Variants in NEMP2 observed in about 807,000 individuals in gnomAD.
NEMP2 encodes UPF0571 transmembrane protein.
Under a neutral mutation model 54.2 loss-of-function variants are expected in NEMP2, and 53 were observed. The observed-to-expected ratio is 0.98, with a 90% CI of 0.78 to 1.23. The LOEUF is 1.23. NEMP2 is among the 50% of genes most tolerant of loss of function. The pLI is 0.00. For missense variants in NEMP2, 455 were observed against 511.3 expected (o/e 0.89, Z 1.06); for synonymous variants, 197 against 190.3 (o/e 1.04, Z -0.29).
chr2:190,493,309 G>A, the NEMP2 span, among the ~76,000 whole-genome samples: 3 of 152,194 alleles, frequency 2.0e-5, no homozygotes, highest in East Asian at 5.8e-4. Flanking sequence ...AATGATAAAA[G>A]GCCTTGCCCA....
the NEMP2 span, among the ~76,000 whole-genome samples, chr2:190,445,343 C>T: frequency 7.7e-3 from 1,175 of 151,918 alleles, 12 homozygotes; most frequent in African/African-American, 0.026. Context: ...CCATTTAACT[C>T]ATCAGAGTAT....
At chr2:190,631,524 A>G in the NEMP2 span, among the ~76,000 whole-genome samples, 1 of 152,242 alleles carries the variant, frequency 6.6e-6, no homozygotes, top group African/African-American at 2.4e-5. Flanking sequence ...AGCATATGTT[A>G]TATTTTAAAG....
intron 1 of NEMP2, chr2:190,534,313 G>C (rs1691276816): frequency 8.4e-7 from 1 of 1,184,410 alleles, no homozygotes; most frequent in African/African-American, 1.6e-5. Flanking sequence ...TGGGCGACTG[G>C]ATCGCGCGGT....
the NEMP2 span, among the ~76,000 whole-genome samples, chr2:190,544,336 A>G: frequency 6.6e-6 from 1 of 152,218 alleles, no homozygotes; most frequent in African/African-American, 2.4e-5. Context: ...TTTCAATAAA[A>G]ATAAATGATA....
the NEMP2 span, among the ~76,000 whole-genome samples, chr2:190,442,344 T>C: frequency 4.6e-5 from 7 of 152,110 alleles, no homozygotes; most frequent in Non-Finnish European, 7.4e-5. Flanking sequence ...GGGAAGCGTG[T>C]TGGAAAAAAC....
chr2:190,560,106 C>T, the NEMP2 span, among the ~76,000 whole-genome samples: 1 of 152,158 alleles, frequency 6.6e-6, no homozygotes, highest in African/African-American at 2.4e-5. The surrounding 1 kb of genome is among the most constrained non-coding windows in gnomAD (Gnocchi z 5.4). Context: ...TGCAGAAGAT[C>T]AGGGCAAAAA....
chr2:190,589,722 A>G, the NEMP2 span, among the ~76,000 whole-genome samples: 35,341 of 152,160 alleles, frequency 0.23, 5,230 homozygotes, highest in Non-Finnish European at 0.33. This position sits in a 1 kb window ranked among gnomAD's most constrained non-coding sequence, Gnocchi z 4.3. Context: ...GCTCCACTCC[A>G]TGGACAGAAC....
At chr2:190,431,024 ACGGGGTCGCGGCCGGG>A in the NEMP2 span, among the ~76,000 whole-genome samples, 1 of 111,788 alleles carries the variant, frequency 8.9e-6, no homozygotes, top group Non-Finnish European at 2.1e-5. This position sits in a 1 kb window ranked among gnomAD's most constrained non-coding sequence, Gnocchi z 4.4. Context: ...CACCTCCCAG[ACGGGGTCGCGGCCGGG>A]CAGAGGCGCT....
At chr2:190,487,761 G>A in the NEMP2 span, among the ~76,000 whole-genome samples, 46 of 152,294 alleles carry the variant, frequency 3.0e-4, no homozygotes, top group South Asian at 9.1e-3. The surrounding 1 kb of genome is among the most constrained non-coding windows in gnomAD (Gnocchi z 5.5). Flanking sequence ...GCAAGGAGGT[G>A]GAGAAATTGG....
the NEMP2 span, among the ~76,000 whole-genome samples, chr2:190,540,736 G>A: frequency 6.6e-6 from 1 of 152,136 alleles, no homozygotes. Context: ...CAAGGTAATG[G>A]TGGCCTCTTA....
At chr2:190,534,041 C>T in intron 1 of NEMP2, 1 of 942,856 alleles carries the variant, frequency 1.1e-6, no homozygotes, top group Non-Finnish European at 1.2e-6. Flanking sequence ...GTTATGTTTA[C>T]TCGCTCAAGG....
chr2:190,448,907 A>G, the NEMP2 span, among the ~76,000 whole-genome samples: 1 of 152,214 alleles, frequency 6.6e-6, no homozygotes, highest in African/African-American at 2.4e-5. Flanking sequence ...CAGTGGATCA[A>G]TATAACCGTC....
chr2:190,483,185 C>A, the NEMP2 span, among the ~76,000 whole-genome samples: 1 of 152,036 alleles, frequency 6.6e-6, no homozygotes, highest in Non-Finnish European at 1.5e-5. Flanking sequence ...AGCCACCGCG[C>A]CCGGCCGACT....
the NEMP2 span, among the ~76,000 whole-genome samples, chr2:190,553,696 A>G: frequency 0.011 from 1,743 of 152,288 alleles, 38 homozygotes; most frequent in African/African-American, 0.038. Flanking sequence ...TTGATTCATG[A>G]TAGGTGTGAG....
chr2:190,618,210 ATTGT>A, the NEMP2 span, among the ~76,000 whole-genome samples: 2 of 152,150 alleles, frequency 1.3e-5, no homozygotes, highest in African/African-American at 4.8e-5. Flanking sequence ...TGTTTGCCTC[ATTGT>A]TTGTTTAGTG....
the NEMP2 span, chr2:190,437,309 C>G: frequency 3.8e-5 from 61 of 1,614,234 alleles, no homozygotes; most frequent in Non-Finnish European, 5.2e-5. The surrounding 1 kb of genome is among the most constrained non-coding windows in gnomAD (Gnocchi z 5.9). Context: ...CCAACCACCA[C>G]AAGCCACTCG....
At chr2:190,511,387 A>G (rs1402679102) in intron 7 of NEMP2, among the ~76,000 whole-genome samples, 2 of 152,290 alleles carry the variant, frequency 1.3e-5, no homozygotes, top group Admixed American at 1.3e-4. Context: ...CCTGTATTAC[A>G]TGACGAGTGG....
the NEMP2 span, among the ~76,000 whole-genome samples, chr2:190,481,830 A>ATGCTGC: frequency 6.6e-6 from 1 of 152,318 alleles, no homozygotes; most frequent in African/African-American, 2.4e-5. Flanking sequence ...CAGAAGATCC[A>ATGCTGC]TGCTGCTGCT....
the NEMP2 span, chr2:190,437,604 T>C: frequency 6.4e-7 from 1 of 1,572,056 alleles, no homozygotes; most frequent in East Asian, 2.2e-5. This position sits in a 1 kb window ranked among gnomAD's most constrained non-coding sequence, Gnocchi z 5.9. Context: ...CAATTGAACT[T>C]TATCTTTTTA....
Sources: gnomAD v4.1 joint callset for allele counts (sites outside exome capture counted in the v4.1 genomes callset) on GRCh38, gnomAD v4.1.1 for gene constraint, Gnocchi (gnomAD v3.1) non-coding constraint, MANE v1.5 for transcripts, NCBI Gene and HGNC (gene_info 2026-07-23, HGNC 2026-07-21) for gene names.